Variants in PRCD observed in about 807,000 individuals in gnomAD.
PRCD encodes the protein photoreceptor disk component PRCD.
PRCD carries 12 observed loss-of-function variants against 10.1 expected under a neutral mutation model. The observed-to-expected ratio is 1.18, with a 90% CI of 0.76 to 1.92. PRCD has a LOEUF of 1.92. PRCD is among the 40% of genes most tolerant of loss of function. PRCD has a pLI of 0.00. For missense variants in PRCD, 61 were observed against 72.2 expected, an observed-to-expected ratio of 0.84 and a Z score of 0.56; for synonymous variants, 31 against 26.2, an observed-to-expected ratio of 1.18 and a Z score of -0.56.
chr17:76,531,054 C>G lies in PRCD; in HGVS notation n.45+3221C>G, dbSNP rs200693197. The stretch of plus-strand genomic sequence containing the variant: ...GGTCACGTGGCTGTAGATGAGGCCA[C>G]GCAGCTTGGCCCAGGCTCTCTGCGT... On this transcript the variant is annotated intron_variant and non_coding_transcript_variant, in intron 1 of 4. Coordinates refer to the PRCD transcript ENST00000397633. The surrounding 1 kb of genome is among the most constrained non-coding windows in gnomAD (Gnocchi z 7.4). The G allele has an allele frequency of 4.3e-6, 7 of 1,613,652 alleles. No homozygotes were observed. The highest frequency in any genetic ancestry group is 4.2e-6 in the Non-Finnish European group (5 of 1,179,934).
Position 76,540,154 on chromosome 17 carries a change from CT to C in PRCD, c.17del (p.Phe6SerfsTer48). On this transcript the variant is annotated frameshift_variant, in exon 1 of 5. Transcript: ENST00000592014. LOFTEE classifies it high-confidence loss of function. This position sits in a 1 kb window ranked among gnomAD's most constrained non-coding sequence, Gnocchi z 5.0. ...GGGCAGCTGCGCCATGTGCACCACC[CT>C]TTTCCTGCTCAGCACCCTGGCCATG... MCTT[L>X]FLLSTLAMLW... The C allele has an allele frequency of 6.2e-7, 1 of 1,603,556 alleles. No homozygotes were observed. Among genetic ancestry groups the C allele is most frequent in the Non-Finnish European group, 8.5e-7 (1 of 1,176,442 alleles).
At chr17:76,534,168 CTCTCTCTCTTTCTT>C (rs2074887610) in intron 1 of PRCD, among the ~76,000 whole-genome samples, 1 of 146,548 alleles carries the variant, frequency 6.8e-6, no homozygotes, top group Admixed American at 6.8e-5. Context: ...CTCTCTCTCT[CTCTCTCTCTTTCTT>C]TCTTTCTTTC....
chr17:76,540,057 T>C lies in PRCD; in HGVS notation c.-85T>C, dbSNP rs1329435987. ...GAACCGCAGGACAGACGGCAGTGGC[T>C]CCTGAGAGCTGGCTGGGGCCATTTT... On this transcript the variant is annotated 5_prime_UTR_variant, in exon 1 of 5. Coordinates refer to ENST00000592014, the MANE Select transcript of PRCD (RefSeq NM_001077620.3). The surrounding 1 kb of genome is among the most constrained non-coding windows in gnomAD (Gnocchi z 5.0). 17 of 1,405,546 alleles carry C rather than the reference T, an allele frequency of 1.2e-5. No homozygotes were observed. Among genetic ancestry groups the C allele is most frequent in the Non-Finnish European group, 1.6e-5 (16 of 1,013,952 alleles). The allele number at this position is 1,405,546 out of a possible 1,614,324, so 87.1% of individuals were successfully genotyped here.
downstream of PRCD, among the ~76,000 whole-genome samples, chr17:76,549,514 C>T (rs762155410): frequency 4.6e-5 from 7 of 152,184 alleles, no homozygotes; most frequent in South Asian, 2.1e-4. Flanking sequence ...CTGTCATACA[C>T]GGCTGGGGAC....
chr17:76,528,643 G>A lies in PRCD; in HGVS notation n.45+810G>A, dbSNP rs866011378. Reference sequence around the variant, plus strand: ...ACGAGATAGGAAGGGAAGGACAAACGTTACCAGAGGCAGGGAAGGACCCTC... The same window carrying A: ...ACGAGATAGGAAGGGAAGGACAAACATTACCAGAGGCAGGGAAGGACCCTC... On this transcript the variant is annotated intron_variant and non_coding_transcript_variant, in intron 1 of 4. Transcript: ENST00000397633. This position sits in a 1 kb window ranked among gnomAD's most constrained non-coding sequence, Gnocchi z 5.8. The A allele has an allele frequency of 4.7e-6, 6 of 1,267,678 alleles. 1 individual carries two copies. The Middle Eastern group carries it at 8.4e-4, about 177-fold the overall frequency. 78.5% of individuals were successfully genotyped at this position (1,267,678 alleles called of 1,614,324 possible).
downstream of PRCD, among the ~76,000 whole-genome samples, chr17:76,548,932 AACCCAAGCGG>A (rs1207119760): frequency 6.6e-6 from 1 of 152,188 alleles, no homozygotes; most frequent in Non-Finnish European, 1.5e-5. Flanking sequence ...GGGGAGGGGA[AACCCAAGCGG>A]ACCACAGTGG....
chr17:76,544,099 A>C lies in PRCD; in HGVS notation c.*449A>C. ...TTCAATCCTGCATGATCCTGAGCAG[A>C]GATAAAAGCAGATTTCCGCTTCTGC... On this transcript the variant is annotated 3_prime_UTR_variant, in exon 5 of 5. Transcript: ENST00000592014. 2.2e-6 allele frequency: 1 copy of C among 454,562 alleles called. No individual in the cohort carries two copies. Among genetic ancestry groups the C allele is most frequent in the Non-Finnish European group, 4.4e-6 (1 of 226,948 alleles). 28.2% of individuals were successfully genotyped at this position (454,562 alleles called of 1,614,324 possible). A position where few individuals can be genotyped will look rare whatever the true frequency, so the allele number is the denominator to read the frequency against.
At chr17:76,549,585 G>A (rs1258187540), downstream of PRCD, among the ~76,000 whole-genome samples, 2 of 152,194 alleles carry the variant, frequency 1.3e-5, no homozygotes, top group South Asian at 2.1e-4. Context: ...AGTTATCCCA[G>A]AGGAATGAAA....
chr17:76,552,833 C>T (rs1445070547), intron 1 of PRCD: 4 of 137,034 alleles, frequency 2.9e-5, no homozygotes, highest in Admixed American at 1.5e-4. Context: ...CACTGCATTC[C>T]AGCCTGGGCG....
In PRCD at chr17:76,533,684, T is replaced by C. The variant is rs1267402857; in HGVS notation, n.45+5851T>C. 1.3e-5 allele frequency among the ~76,000 whole-genome samples: 2 copies of C among 151,852 alleles called. No homozygotes were observed. Among genetic ancestry groups the C allele is most frequent in the East Asian group, 1.9e-4 (1 of 5,178 alleles). On this transcript the variant is annotated intron_variant and non_coding_transcript_variant, in intron 1 of 4. Coordinates refer to the PRCD transcript ENST00000397633. The surrounding 1 kb of genome is among the most constrained non-coding windows in gnomAD (Gnocchi z 4.5). Reference sequence around the variant, plus strand: ...GCTGCAGGGAGCCAAGATTGTGCCATTGCACTCCAGCCTGGGTGACAGAGT... The same window carrying C: ...GCTGCAGGGAGCCAAGATTGTGCCACTGCACTCCAGCCTGGGTGACAGAGT...
upstream of PRCD, chr17:76,538,644 G>A (rs2074951255): frequency 2.8e-6 from 1 of 351,140 alleles, no homozygotes; most frequent in Non-Finnish European, 5.9e-6. Context: ...CATCTCAGCC[G>A]CCACCAAGGG....
chr17:76,535,339 G>A (rs1292817808), upstream of PRCD, among the ~76,000 whole-genome samples: 1 of 152,184 alleles, frequency 6.6e-6, no homozygotes, highest in Non-Finnish European at 1.5e-5. Context: ...TGTGTATGTT[G>A]TGTGTGGGAA....
chr17:76,537,358 G>T (rs1181266716), upstream of PRCD: 3 of 1,544,632 alleles, frequency 1.9e-6, no homozygotes, highest in African/African-American at 2.8e-5. Context: ...AGCCGCTGCC[G>T]CCCTCCCTGC....
intron 2 of PRCD, among the ~76,000 whole-genome samples, chr17:76,542,152 GGCCC>G (rs2074999428): frequency 6.6e-6 from 1 of 152,188 alleles, no homozygotes; most frequent in Non-Finnish European, 1.5e-5. Context: ...GGGATGCTCA[GGCCC>G]GATTCCAGGC....
upstream of PRCD, among the ~76,000 whole-genome samples, chr17:76,536,193 A>C (rs939971253): frequency 6.6e-6 from 1 of 152,040 alleles, no homozygotes; most frequent in Non-Finnish European, 1.5e-5. Flanking sequence ...GCGCTCCTCT[A>C]ACTCCTTAGA....
chr17:76,529,743 C>T (rs1238018204), intron 1 of PRCD: 57 of 985,272 alleles, frequency 5.8e-5, no homozygotes, highest in Non-Finnish European at 6.3e-5. Flanking sequence ...GCAACCACTG[C>T]TCTCCACGCC....
intron 1 of PRCD, among the ~76,000 whole-genome samples, chr17:76,532,568 G>A (rs928255178): frequency 7.5e-6 from 1 of 133,694 alleles, no homozygotes; most frequent in Non-Finnish European, 1.5e-5. Context: ...GTCTCACTCT[G>A]TCATCCAGGC....
chr17:76,534,052 T>A (rs1222034087), intron 1 of PRCD, among the ~76,000 whole-genome samples: 1 of 151,994 alleles, frequency 6.6e-6, no homozygotes, highest in Admixed American at 6.6e-5. Flanking sequence ...ATAACAATGA[T>A]ATATATATTT....
rs761075338 is a variant in PRCD at position 76,531,154 on chromosome 17, G to A, written n.45+3321G>A. ...ACCCCAGAGAGGATCTGGGGGCAAA[G>A]GGAGGAAGGGGGAGTGAACGCCCGG... On this transcript the variant is annotated intron_variant and non_coding_transcript_variant, in intron 1 of 4. Transcript: ENST00000397633. The surrounding 1 kb of genome is among the most constrained non-coding windows in gnomAD (Gnocchi z 7.4). 2.9e-5 allele frequency: 47 copies of A among 1,607,634 alleles called. No individual in the cohort carries two copies. Among genetic ancestry groups the A allele is most frequent in the Non-Finnish European group, 9.4e-6 (11 of 1,175,740 alleles).
Sources: allele counts gnomAD v4.1 joint callset (sites outside exome capture counted in the v4.1 genomes callset), GRCh38; gene constraint gnomAD v4.1.1; non-coding constraint Gnocchi (gnomAD v3.1); transcripts MANE v1.5; gene names NCBI Gene and HGNC (gene_info 2026-07-23, HGNC 2026-07-21).